CCDC85A: variants seen among roughly 807,000 people sequenced by gnomAD.
CCDC85A encodes coiled-coil domain-containing protein 85A.
A neutral mutation model predicts 50.2 loss-of-function variants in CCDC85A; 38 were observed. The observed-to-expected ratio is 0.76, with a 90% confidence interval of 0.58 to 0.99. The LOEUF (loss-of-function observed/expected upper bound fraction) is 0.99. Among genes scored for constraint, CCDC85A ranks in the 50% least tolerant of loss-of-function variants. The pLI, the probability that CCDC85A is intolerant of heterozygous loss-of-function variation, is 0.00. For missense variants in CCDC85A, 820 were observed against 742.0 expected, an observed-to-expected ratio of 1.11 and a Z score of -1.22; for synonymous variants, 366 against 301.4, an observed-to-expected ratio of 1.21 and a Z score of -2.22.
chr2:56,329,025 G>T (rs546996081), intron 2 of CCDC85A, among the ~76,000 whole-genome samples: 1 of 152,092 alleles, frequency 6.6e-6, no homozygotes, highest in African/African-American at 2.4e-5. Flanking sequence ...CACAATCCAA[G>T]CTTCTTATGT....
At chr2:56,324,872 TCA>T (rs1673388743) in intron 2 of CCDC85A, among the ~76,000 whole-genome samples, 1 of 152,110 alleles carries the variant, frequency 6.6e-6, no homozygotes, top group Non-Finnish European at 1.5e-5. Flanking sequence ...CATGAATAAA[TCA>T]CAGTTCCTTC....
rs548016773 is a variant in CCDC85A, at chr2:56,372,224, A to G, written c.1318-120A>G. On this transcript the variant is annotated intron_variant, in intron 3 of 5. Coordinates refer to ENST00000407595, the MANE Select transcript of CCDC85A (RefSeq NM_001080433.2). ...TTTTCCCTAGCTACAGGTGCATGTTACAGCTTGCCATTGTGGTCATTGTGG... is the reference window on the plus strand; with the variant it reads ...TTTTCCCTAGCTACAGGTGCATGTTGCAGCTTGCCATTGTGGTCATTGTGG... The G allele has an allele frequency of 5.1e-6, 5 of 978,622 alleles. No individual in the cohort carries two copies. In the South Asian group the frequency reaches 1.2e-4, roughly 23 times the overall value. The allele number at this position is 978,622 out of a possible 1,614,324, so 60.6% of individuals were successfully genotyped here. A position where few individuals can be genotyped will look rare whatever the true frequency, so the allele number is the denominator to read the frequency against.
At chr2:56,236,606 C>T (rs1669026575) in intron 2 of CCDC85A, among the ~76,000 whole-genome samples, 2 of 152,102 alleles carry the variant, frequency 1.3e-5, no homozygotes, top group Non-Finnish European at 2.9e-5. Context: ...ATTAACTCTC[C>T]ACCCACATAT....
rs979664573 is a variant in CCDC85A at position 56,192,410 on chromosome 2, A to G, written c.277-67A>G. 6.5e-7 allele frequency: 1 copy of G among 1,528,078 alleles called. No homozygotes were observed. Among genetic ancestry groups the G allele is most frequent in the African/African-American group, 1.4e-5 (1 of 72,088 alleles). 94.7% of individuals were successfully genotyped at this position (1,528,078 alleles called of 1,614,324 possible). A position where few individuals can be genotyped will look rare whatever the true frequency, so the allele number is the denominator to read the frequency against. On this transcript the variant is annotated intron_variant, in intron 1 of 5. Transcript: ENST00000407595. The surrounding 1 kb of genome is among the most constrained non-coding windows in gnomAD (Gnocchi z 4.7). ...CACCAGTTACAGGCTCTCCCTTTCC[A>G]GGAAGTCTGAGCCTGCTGACACCTC... is the stretch of plus-strand genomic sequence containing the variant.
chr2:56,260,441 A>T (rs1316035541), intron 2 of CCDC85A, among the ~76,000 whole-genome samples: 1 of 152,222 alleles, frequency 6.6e-6, no homozygotes, highest in Non-Finnish European at 1.5e-5. Flanking sequence ...GCTTGAAATA[A>T]AACTTTAGTG....
chr2:56,369,024 A>C (rs557875022), intron 3 of CCDC85A, among the ~76,000 whole-genome samples: 2 of 152,064 alleles, frequency 1.3e-5, no homozygotes, highest in African/African-American at 4.8e-5. Context: ...AATTTTCCCT[A>C]CTGCAGAGAT....
intron 2 of CCDC85A, among the ~76,000 whole-genome samples, chr2:56,292,125 C>G (rs1388286387): frequency 6.6e-6 from 1 of 152,084 alleles, no homozygotes; most frequent in Non-Finnish European, 1.5e-5. Context: ...CTCTGTCGCC[C>G]AGGCTGGAGT....
intron 2 of CCDC85A, among the ~76,000 whole-genome samples, chr2:56,320,368 A>G (rs926521854): frequency 1.3e-5 from 2 of 152,214 alleles, no homozygotes; most frequent in African/African-American, 2.4e-5. Context: ...TTTTGAAAAG[A>G]TCATCAAAAT....
At chr2:56,199,450 A>G (rs1163241406) in intron 2 of CCDC85A, among the ~76,000 whole-genome samples, 1 of 152,220 alleles carries the variant, frequency 6.6e-6, no homozygotes. Context: ...GGGCCAGTGT[A>G]TCTGTGATTG....
chr2:56,288,157 G>A (rs1671533358), intron 2 of CCDC85A, among the ~76,000 whole-genome samples: 1 of 152,192 alleles, frequency 6.6e-6, no homozygotes, highest in South Asian at 2.1e-4. Context: ...GGATGGAGTA[G>A]ACAGAGGTCT....
intron 2 of CCDC85A, among the ~76,000 whole-genome samples, chr2:56,307,424 T>G (rs1672493839): frequency 6.6e-6 from 1 of 152,180 alleles, no homozygotes; most frequent in African/African-American, 2.4e-5. Flanking sequence ...GGAGTAACAC[T>G]AGTGCCTAAC....
At chr2:56,369,386 A>G (rs1675964049) in intron 3 of CCDC85A, among the ~76,000 whole-genome samples, 1 of 152,120 alleles carries the variant, frequency 6.6e-6, no homozygotes, top group Non-Finnish European at 1.5e-5. Context: ...TAGTTGTTCA[A>G]AACTTCATGT....
At chr2:56,251,578 G>A (rs1331864201) in intron 2 of CCDC85A, among the ~76,000 whole-genome samples, 2 of 151,972 alleles carry the variant, frequency 1.3e-5, no homozygotes, top group African/African-American at 4.8e-5. Flanking sequence ...GGTCTGTGTT[G>A]GTGGTGGCAG....
chr2:56,189,849 G>A (rs936459466), intron 1 of CCDC85A, among the ~76,000 whole-genome samples: 1 of 152,190 alleles, frequency 6.6e-6, no homozygotes, highest in South Asian at 2.1e-4. Flanking sequence ...GTGGGTGAGG[G>A]GAAGGAGTGG....
At chr2:56,338,444 C>T (rs560206698) in intron 2 of CCDC85A, among the ~76,000 whole-genome samples, 63 of 152,154 alleles carry the variant, frequency 4.1e-4, no homozygotes, top group African/African-American at 1.5e-3. Context: ...GGGGTTGCAG[C>T]GGATGTGGTC....
At chr2:56,316,100 G>C (rs1672908724) in intron 2 of CCDC85A, among the ~76,000 whole-genome samples, 1 of 151,840 alleles carries the variant, frequency 6.6e-6, no homozygotes, top group African/African-American at 2.4e-5. Flanking sequence ...GGTTATCCCT[G>C]AGACATATTT....
intron 3 of CCDC85A, among the ~76,000 whole-genome samples, chr2:56,351,173 G>C (rs1226087430): frequency 1.3e-5 from 2 of 151,256 alleles, no homozygotes; most frequent in Admixed American, 6.6e-5. Flanking sequence ...CCCTACAAAG[G>C]ACATGAACTC....
intron 2 of CCDC85A, among the ~76,000 whole-genome samples, chr2:56,339,994 T>C (rs1674277627): frequency 6.6e-6 from 1 of 152,244 alleles, no homozygotes; most frequent in African/African-American, 2.4e-5. Flanking sequence ...ATCTTCAGTT[T>C]TCTTTACCTG....
chr2:56,275,744 T>C (rs772977774), intron 2 of CCDC85A, among the ~76,000 whole-genome samples: 39 of 152,328 alleles, frequency 2.6e-4, no homozygotes, highest in Middle Eastern at 6.8e-3. Flanking sequence ...CTTGGTATTA[T>C]TTATCTTCAT....
Sources: gnomAD v4.1 joint callset for allele counts (sites outside exome capture counted in the v4.1 genomes callset) on GRCh38, gnomAD v4.1.1 for gene constraint, Gnocchi (gnomAD v3.1) non-coding constraint, MANE v1.5 for transcripts, NCBI Gene and HGNC (gene_info 2026-07-23, HGNC 2026-07-21) for gene names.